The following TEX11 variants were observed in gnomAD, a reference collection of about 807,000 sequenced individuals.
TEX11 encodes testis expressed 11, also known as testis-expressed protein 11.
A neutral mutation model predicts 84.4 loss-of-function variants in TEX11; 7 were observed. The observed-to-expected ratio is 0.08, with a 90% CI of 0.05 to 0.16. The LOEUF (loss-of-function observed/expected upper bound fraction) is 0.16. Among genes scored for constraint, TEX11 ranks in the 10% least tolerant of loss-of-function variants. The pLI is 1.00. For synonymous variants in TEX11, 264 were observed against 222.8 expected, an observed-to-expected ratio of 1.18 and a Z score of -1.64; for missense variants, 551 against 660.5, an observed-to-expected ratio of 0.83 and a Z score of 1.82.
chrX:70,655,756 C>T (rs1190482166), intron 16 of TEX11, among the ~76,000 whole-genome samples: 1 of 111,020 alleles, frequency 9.0e-6, no homozygotes, highest in Non-Finnish European at 1.9e-5. Context: ...GACTTCCAGC[C>T]TCCAGAACTA....
chrX:70,593,491 A>T (rs2404187), intron 24 of TEX11, among the ~76,000 whole-genome samples: 23 of 111,099 alleles, frequency 2.1e-4, no homozygotes, highest in South Asian at 3.8e-4. Flanking sequence ...GCAAAGAGAC[A>T]GGAAAGTGTG....
Position 70,873,120 on chromosome X carries a change from C to T in TEX11, c.244+103G>A, listed in dbSNP as rs1463056026. The T allele has an allele frequency of 8.4e-6, 4 of 474,266 alleles. No homozygotes were observed. In the East Asian group the frequency reaches 1.2e-4, roughly 14 times the overall value. The allele number at this position is 474,266 out of a possible 1,213,427, so 39.1% of individuals were successfully genotyped here. On this transcript the variant is annotated intron_variant, in intron 4 of 29. Coordinates refer to ENST00000374333, the MANE Select transcript of TEX11 (RefSeq NM_031276.3). ...TTGTTTTGTTTGTCTTTTAACAAATCTCTATCTAAGAATGGGTCAAAACAT... is the reference window on the plus strand; with the variant it reads ...TTGTTTTGTTTGTCTTTTAACAAATTTCTATCTAAGAATGGGTCAAAACAT...
At chrX:70,573,356 A>G (rs2088631355) in intron 25 of TEX11, among the ~76,000 whole-genome samples, 2 of 111,917 alleles carry the variant, frequency 1.8e-5, no homozygotes, top group Admixed American at 9.5e-5. Context: ...CATTTTTATC[A>G]GAGATACTTG....
At chrX:70,691,512 C>T (rs2090234468) in intron 13 of TEX11, among the ~76,000 whole-genome samples, 1 of 111,377 alleles carries the variant, frequency 9.0e-6, no homozygotes, top group Admixed American at 9.6e-5. Flanking sequence ...TGATGTGCAA[C>T]AAAGTGAATA....
intron 9 of TEX11, among the ~76,000 whole-genome samples, chrX:70,794,224 G>A (rs1292153797): frequency 1.8e-5 from 2 of 111,593 alleles, no homozygotes; most frequent in Non-Finnish European, 3.8e-5. Context: ...GTGAGACTCT[G>A]CATCGCAACT....
chrX:70,869,749 C>T (rs1174578447), intron 4 of TEX11, among the ~76,000 whole-genome samples: 1 of 110,122 alleles, frequency 9.1e-6, no homozygotes, highest in African/African-American at 3.3e-5. Context: ...TGCACTCCAA[C>T]CTGGGTGACA....
At position 70,716,035 on chromosome X, in the gene TEX11, T is replaced by C. The variant is rs777338217; in HGVS notation, c.1004+6583A>G. ...GTCAGGACCCTCAGCTGCAGGTGCA[T>C]TGGAGTTTGCCAGAGGTCCACTCCA... On this transcript the variant is annotated intron_variant, in intron 13 of 29. Transcript: ENST00000374333. 4.3e-3 allele frequency among the ~76,000 whole-genome samples: 476 copies of C among 111,426 alleles called. 2 individuals are homozygous for C. Among genetic ancestry groups the C allele is most frequent in the African/African-American group, 0.015 (461 of 30,636 alleles).
intron 9 of TEX11, among the ~76,000 whole-genome samples, chrX:70,758,803 C>G (rs982282269): frequency 9.0e-6 from 1 of 111,444 alleles, no homozygotes; most frequent in Non-Finnish European, 1.9e-5. Flanking sequence ...ACACAAAAAA[C>G]CCTTCAAAAA....
chrX:70,584,289 C>CAAA (rs143182132), intron 25 of TEX11, among the ~76,000 whole-genome samples: 1 of 53,789 alleles, frequency 1.9e-5, no homozygotes, highest in Non-Finnish European at 3.7e-5. Context: ...GACTCCGTCT[C>CAAA]AAAAAAAAAA....
intron 9 of TEX11, among the ~76,000 whole-genome samples, chrX:70,762,496 C>T (rs752113514): frequency 4.5e-4 from 50 of 110,791 alleles, no homozygotes; most frequent in African/African-American, 1.6e-3. Context: ...CTGAGCTCCA[C>T]CTTCTGGCAG....
intron 17 of TEX11, among the ~76,000 whole-genome samples, chrX:70,651,196 A>G (rs1490015310): frequency 8.9e-6 from 1 of 112,148 alleles, no homozygotes; most frequent in Non-Finnish European, 1.9e-5. Context: ...GTACATAGTG[A>G]TAAGACTTTC....
rs1160410439 is a variant in TEX11 at position 70,552,117 on chromosome X, T to C, written c.2520+9A>G. On this transcript the variant is annotated intron_variant, in intron 28 of 29. Coordinates refer to ENST00000374333, the MANE Select transcript of TEX11 (RefSeq NM_031276.3). ...TTAACTGAAAGTTTAATATCACTAT[T>C]TGACTTACAGTGCGGCTAATGTGGC... The C allele has an allele frequency of 8.3e-7, 1 of 1,207,058 alleles. No individual in the cohort carries two copies. The highest frequency in any genetic ancestry group is 1.1e-6 in the Non-Finnish European group (1 of 894,108).
At chrX:70,653,458 T>C (rs1170445508) in intron 16 of TEX11, among the ~76,000 whole-genome samples, 6 of 112,254 alleles carry the variant, frequency 5.3e-5, no homozygotes, top group Non-Finnish European at 9.4e-5. Flanking sequence ...TCTTATGTCA[T>C]TAGGGTTTTG....
chrX:70,833,602 G>T lies in TEX11; in HGVS notation c.526-9C>A, dbSNP rs182319613. ...TCCCCTTGAGCAACTGCCTGAAAAA[G>T]ATAAAGAATGTCAATAATTGGTTAA... On this transcript the variant is annotated splice_polypyrimidine_tract_variant and intron_variant, in intron 7 of 29. Transcript: ENST00000374333. 443 of 1,171,025 alleles carry T rather than the reference G, an allele frequency of 3.8e-4. 2 individuals are homozygous for T. The African/African-American group carries it at 6.6e-3, about 18-fold the overall frequency.
intron 11 of TEX11, among the ~76,000 whole-genome samples, chrX:70,731,815 C>T (rs1401516951): frequency 1.8e-5 from 2 of 110,781 alleles, no homozygotes; most frequent in Non-Finnish European, 3.8e-5. Context: ...AGGCCAGCAT[C>T]ATCCTGATAC....
chrX:70,851,498 T>G (rs1234330486), intron 7 of TEX11, among the ~76,000 whole-genome samples: 1 of 111,459 alleles, frequency 9.0e-6, no homozygotes, highest in African/African-American at 3.3e-5. Context: ...AACCTTTAGA[T>G]GTAGAGAAGG....
At chrX:70,836,948 C>T (rs921935244) in intron 7 of TEX11, among the ~76,000 whole-genome samples, 9 of 111,002 alleles carry the variant, frequency 8.1e-5, no homozygotes, top group South Asian at 7.6e-4. Flanking sequence ...GCCTGGGAGG[C>T]GGAGGTTGCA....
At position 70,672,255 on chromosome X, in the gene TEX11, T is replaced by C. The variant is rs188395625; in HGVS notation, c.1243-1741A>G. On this transcript the variant is annotated intron_variant, in intron 15 of 29. Coordinates refer to ENST00000374333, the MANE Select transcript of TEX11 (RefSeq NM_031276.3). ...CATACCAGTTTGTTTATCCACTCAC[T>C]TGTTGATGGACATTTGGCTGTTTCC... Among the ~76,000 whole-genome samples, 699 of 111,209 alleles carry C rather than the reference T, an allele frequency of 6.3e-3. 2 individuals are homozygous for C. The highest frequency in any genetic ancestry group is 0.01 in the Non-Finnish European group (548 of 52,991).
intron 17 of TEX11, among the ~76,000 whole-genome samples, chrX:70,645,298 A>C (rs1021088325): frequency 6.3e-5 from 7 of 110,722 alleles, no homozygotes; most frequent in African/African-American, 2.3e-4. Flanking sequence ...TTAAAAAAAA[A>C]AACACAATAA....
Sources: gnomAD v4.1 joint callset for allele counts (sites outside exome capture counted in the v4.1 genomes callset) on GRCh38, gnomAD v4.1.1 for gene constraint, MANE v1.5 for transcripts, NCBI Gene and HGNC (gene_info 2026-07-23, HGNC 2026-07-21) for gene names.